The following AAK1 variants were observed in gnomAD, a reference collection of about 807,000 sequenced individuals.
The protein encoded by AAK1 is AP2-associated protein kinase 1.
Under a neutral mutation model 116.0 loss-of-function variants are expected in AAK1, and 37 were observed. The observed-to-expected ratio is 0.32, with a 90% CI of 0.25 to 0.42. The LOEUF is 0.42. Ranked by LOEUF, AAK1 falls within the 10% of genes least tolerant of loss-of-function variation. The pLI, the probability that AAK1 is intolerant of heterozygous loss-of-function variation, is 1.00. For synonymous variants in AAK1, 458 were observed against 439.9 expected (o/e 1.04, Z -0.51); for missense variants, 919 against 1,170.6 (o/e 0.79, Z 3.14).
At chr2:69,550,273 C>T (rs1671120295) in intron 3 of AAK1, among the ~76,000 whole-genome samples, 1 of 152,200 alleles carries the variant, frequency 6.6e-6, no homozygotes, top group South Asian at 2.1e-4. Context: ...TGGACCTCTG[C>T]TTACTCATCC....
At position 69,545,097 on chromosome 2, in the gene AAK1, C is replaced by T. The variant is rs141242699; in HGVS notation, c.283-553G>A. 4.6e-3 allele frequency among the ~76,000 whole-genome samples: 703 copies of T among 151,436 alleles called. 6 individuals carry two copies. Among genetic ancestry groups the T allele is most frequent in the African/African-American group, 0.016 (670 of 41,298 alleles). On this transcript the variant is annotated intron_variant, in intron 3 of 21. Transcript: ENST00000409085. ...AGCATCCAGACCTAAGCATTTTGTT[C>T]ATAATCAGGCCTTTCAAGCCAACCA...
rs1488314893 is a variant in AAK1, at chr2:69,462,004, C to A, written c.*13865G>T. On this transcript the variant is annotated 3_prime_UTR_variant, in exon 22 of 22. Transcript: ENST00000409085. Reference sequence around the variant, plus strand: ...TGCACCTTGAGAATTAAAATAGTCACTTGATTAGAAGGGAATTATCAAATA... The same window carrying A: ...TGCACCTTGAGAATTAAAATAGTCAATTGATTAGAAGGGAATTATCAAATA... 1 of 152,756 alleles carries A rather than the reference C, an allele frequency of 6.5e-6. No individual in the cohort carries two copies. Among genetic ancestry groups the A allele is most frequent in the African/African-American group, 2.4e-5 (1 of 41,366 alleles). 9.5% of individuals were successfully genotyped at this position (152,756 alleles called of 1,614,324 possible). A position where few individuals can be genotyped will look rare whatever the true frequency, so the allele number is the denominator to read the frequency against.
rs1674292981 is a variant in AAK1, at chr2:69,459,672, G to T, written c.*16197C>A. ...AAAGTTAACATGATCATTCAACTGT[G>T]CCATTCATCATGCACTTATTGACAT... On this transcript the variant is annotated 3_prime_UTR_variant, in exon 22 of 22. Coordinates refer to ENST00000409085, the MANE Select transcript of AAK1 (RefSeq NM_014911.5). 1 of 152,204 alleles carries T rather than the reference G, an allele frequency of 6.6e-6. No individual in the cohort carries two copies. Among genetic ancestry groups the T allele is most frequent in the South Asian group, 2.1e-4 (1 of 4,832 alleles). 9.4% of individuals were successfully genotyped at this position (152,204 alleles called of 1,614,324 possible). A position where few individuals can be genotyped will look rare whatever the true frequency, so the allele number is the denominator to read the frequency against.
chr2:69,553,448 T>G (rs895456764), intron 3 of AAK1, among the ~76,000 whole-genome samples: 17 of 137,942 alleles, frequency 1.2e-4, no homozygotes, highest in African/African-American at 2.2e-4. Context: ...TTTTTTTTTT[T>G]TTTTTTTTTT....
chr2:69,642,220 AAAAC>A (rs1675763126), intron 2 of AAK1, among the ~76,000 whole-genome samples: 1 of 152,198 alleles, frequency 6.6e-6, no homozygotes, highest in Admixed American at 6.5e-5. Flanking sequence ...AAAAAAACAA[AAAAC>A]AAAACCTAAA....
chr2:69,469,442 G>C lies in AAK1; in HGVS notation c.*6427C>G. On this transcript the variant is annotated 3_prime_UTR_variant, in exon 22 of 22. Coordinates refer to ENST00000409085, the MANE Select transcript of AAK1 (RefSeq NM_014911.5). ...CTTACAGGGAAAATGTGTTTTCAGG[G>C]TGAACAGTTCCTTTATATGAAGGTA... 1 of 985,450 alleles carries C rather than the reference G, an allele frequency of 1.0e-6. No homozygotes were observed. Among genetic ancestry groups the C allele is most frequent in the Non-Finnish European group, 1.2e-6 (1 of 829,942 alleles). The allele number at this position is 985,450 out of a possible 1,614,324, so 61.0% of individuals were successfully genotyped here.
intron 2 of AAK1, among the ~76,000 whole-genome samples, chr2:69,571,182 G>C (rs1371612391): frequency 4.6e-5 from 7 of 152,146 alleles, no homozygotes; most frequent in Admixed American, 4.6e-4. Context: ...ATAATGATTA[G>C]AGATGTATTA....
Position 69,519,199 on chromosome 2 carries a change from G to T in AAK1, c.1252C>A (p.Pro418Thr). 6.3e-7 allele frequency: 1 copy of T among 1,588,624 alleles called. No individual in the cohort carries two copies. Among genetic ancestry groups the T allele is most frequent in the Non-Finnish European group, 8.6e-7 (1 of 1,167,710 alleles). The change falls in exon 12 of 22, where the codon CCA becomes ACA. Residue 418 changes from proline to threonine, a missense_variant. By Grantham distance (38) the Pro-to-Thr change is conservative. Around this residue, in one of 4 missense-constraint regions of AAK1, gnomAD observed 214 missense variants for 210.6 expected, o/e 1.02. Coordinates refer to ENST00000409085, the MANE Select transcript of AAK1 (RefSeq NM_014911.5). The part of the protein sequence containing the change: ...QPGLLASVPQ[P>T]KPQAPPSQPL... ...TGGCTGGGTGGGGCTTGGGGTTTTGGTTGGGGAACACTGGCTAAAAGGCCA... is the reference window on the plus strand; with the variant it reads ...TGGCTGGGTGGGGCTTGGGGTTTTGTTTGGGGAACACTGGCTAAAAGGCCA...
rs1674502833 is a variant in AAK1, at chr2:69,466,831, TAC to T, written c.*9036_*9037del. 8 of 985,294 alleles carry T rather than the reference TAC, an allele frequency of 8.1e-6. No homozygotes were observed. The highest frequency in any genetic ancestry group is 1.7e-5 in the African/African-American group (1 of 57,230). The allele number at this position is 985,294 out of a possible 1,614,324, so 61.0% of individuals were successfully genotyped here. A position where few individuals can be genotyped will look rare whatever the true frequency, so the allele number is the denominator to read the frequency against. On this transcript the variant is annotated 3_prime_UTR_variant, in exon 22 of 22. Transcript: ENST00000409085. Reference sequence around the variant, plus strand: ...ATTCAGCGTAACTATGCAATGCTCCTACACACAGGGCCAGGCACGGACACCTG... The same window carrying T: ...ATTCAGCGTAACTATGCAATGCTCCTACACAGGGCCAGGCACGGACACCTG...
chr2:69,642,790 G>A, intron 2 of AAK1, 88 bp downstream of exon 2: 1 of 1,565,050 alleles, frequency 6.4e-7, no homozygotes, highest in Non-Finnish European at 8.7e-7. Context: ...ACTGGTCAAA[G>A]CCCATTCATA....
At chr2:69,553,543 A>C (rs1226214302) in intron 3 of AAK1, among the ~76,000 whole-genome samples, 1 of 140,962 alleles carries the variant, frequency 7.1e-6, no homozygotes, top group African/African-American at 2.8e-5. Flanking sequence ...TTCTGGGTTC[A>C]AGCGATTCTC....
Position 69,519,012 on chromosome 2 carries a change from G to A in AAK1, c.1439C>T (p.Pro480Leu). 1 of 1,550,054 alleles carries A rather than the reference G, an allele frequency of 6.5e-7. No homozygotes were observed. Among genetic ancestry groups the A allele is most frequent in the Non-Finnish European group, 8.7e-7 (1 of 1,146,586 alleles). ...KQQQQQQQPP[P>L]AQQQPAGTFY... Reference sequence around the variant, plus strand: ...CGTGCCTGCCGGCTGCTGCTGTGCTGGCGGTGGCTGTTGCTGCTGCTGTTG... The same window carrying A: ...CGTGCCTGCCGGCTGCTGCTGTGCTAGCGGTGGCTGTTGCTGCTGCTGTTG... Residue 480 changes from proline to leucine, a missense_variant, in exon 12 of 22, where the codon CCA (proline) becomes CTA (leucine). Transcript: ENST00000409085.
At chr2:69,583,832 T>C (rs1037989092) in intron 2 of AAK1, among the ~76,000 whole-genome samples, 2 of 151,134 alleles carry the variant, frequency 1.3e-5, no homozygotes, top group Non-Finnish European at 2.9e-5. Flanking sequence ...TTCAAGTTTC[T>C]GGATATTTTT....
chr2:69,461,499 CAA>C lies in AAK1; in HGVS notation c.*14368_*14369del, dbSNP rs571167118. 3,857 of 156,406 alleles carry C rather than the reference CAA, an allele frequency of 0.025. No homozygotes were observed. The highest frequency in any genetic ancestry group is 0.062 in the South Asian group (1,065 of 17,200). 9.7% of individuals were successfully genotyped at this position (156,406 alleles called of 1,614,324 possible). A position where few individuals can be genotyped will look rare whatever the true frequency, so the allele number is the denominator to read the frequency against. Reference sequence around the variant, plus strand: ...AAGTCAAAGTTTTTTCATGCATCACCAAAAAAAAAAAAAAAAGTAATTTGCAT... The same window carrying C: ...AAGTCAAAGTTTTTTCATGCATCACCAAAAAAAAAAAAAAGTAATTTGCAT... On this transcript the variant is annotated 3_prime_UTR_variant, in exon 22 of 22. Coordinates refer to ENST00000409085, the MANE Select transcript of AAK1 (RefSeq NM_014911.5).
intron 17 of AAK1, among the ~76,000 whole-genome samples, chr2:69,485,728 C>T (rs555335343): frequency 7.5e-5 from 7 of 93,276 alleles, no homozygotes; most frequent in South Asian, 3.5e-4. Context: ...GGCACAATTT[C>T]GGCTCACTTG....
chr2:69,640,411 T>C (rs1202841197), intron 2 of AAK1, among the ~76,000 whole-genome samples: 2 of 152,132 alleles, frequency 1.3e-5, no homozygotes, highest in African/African-American at 4.8e-5. Flanking sequence ...CCACAGCTAG[T>C]AAAGAACAGA....
chr2:69,495,744 T>C (rs536254588), intron 17 of AAK1, among the ~76,000 whole-genome samples: 1 of 152,256 alleles, frequency 6.6e-6, no homozygotes, highest in East Asian at 1.9e-4. Flanking sequence ...AAACTGAACA[T>C]TGATATAATA....
chr2:69,536,648 C>G (rs1670486857), intron 5 of AAK1, among the ~76,000 whole-genome samples: 1 of 152,220 alleles, frequency 6.6e-6, no homozygotes, highest in South Asian at 2.1e-4. Context: ...CTGCTGACCC[C>G]ATTTCCTAGC....
intron 2 of AAK1, among the ~76,000 whole-genome samples, chr2:69,628,117 A>C (rs963673025): frequency 1.3e-5 from 2 of 152,196 alleles, no homozygotes; most frequent in Non-Finnish European, 1.5e-5. Flanking sequence ...CCCTGTGAGG[A>C]CCATACGTAG....
Sources: gnomAD v4.1 joint callset for allele counts (sites outside exome capture counted in the v4.1 genomes callset) on GRCh38, gnomAD v4.1.1 for gene constraint, gnomAD v4.1.1 regional missense constraint, MANE v1.5 for transcripts, NCBI Gene and HGNC (gene_info 2026-07-23, HGNC 2026-07-21) for gene names.